The following EPHA8 variants were observed in gnomAD, a reference collection of about 807,000 sequenced individuals.
The protein encoded by EPHA8 is ephrin type-A receptor 8.
In EPHA8, 58 loss-of-function variants were observed where a neutral mutation model predicts 103.6. The ratio of observed to expected loss-of-function variants is 0.56; its 90% CI spans 0.45 to 0.70. The LOEUF is 0.70. Among genes scored for constraint, EPHA8 ranks in the 30% least tolerant of loss-of-function variants. The pLI is 0.00. For synonymous variants in EPHA8, 559 were observed against 572.5 expected, an observed-to-expected ratio of 0.98 and a Z score of 0.34; for missense variants, 1,304 against 1,395.2, an observed-to-expected ratio of 0.93 and a Z score of 1.04.
At chr1:22,575,723 A>G (rs1557555172) in intron 2 of EPHA8, among the ~76,000 whole-genome samples, 1 of 152,102 alleles carries the variant, frequency 6.6e-6, no homozygotes, top group Admixed American at 6.5e-5. Context: ...GGATCAGGCA[A>G]TCACTCAACA....
intron 2 of EPHA8, among the ~76,000 whole-genome samples, chr1:22,572,057 C>T (rs1003350156): frequency 1.3e-5 from 2 of 152,242 alleles, no homozygotes; most frequent in East Asian, 3.9e-4. Context: ...ATAAGCTTTC[C>T]AGGTGATTCT....
At chr1:22,596,440 A>G (rs1350320845) in intron 9 of EPHA8, among the ~76,000 whole-genome samples, 1 of 152,086 alleles carries the variant, frequency 6.6e-6, no homozygotes, top group African/African-American at 2.4e-5. Flanking sequence ...GTGGGAGTGC[A>G]TATACTCTTG....
rs145516933 is a variant in EPHA8, at chr1:22,593,298, G to A, written c.1316-28G>A. ...AGAGGCCACGCCTTGTCTCCCCTCC[G>A]CCCATCTGACGGGATTGGCCGCCCC... On this transcript the variant is annotated intron_variant, in intron 5 of 16. Coordinates refer to ENST00000166244, the MANE Select transcript of EPHA8 (RefSeq NM_020526.5). 5.3e-4 allele frequency: 823 copies of A among 1,546,968 alleles called. 5 individuals are homozygous for A. In the East Asian group the frequency reaches 0.014, roughly 26 times the overall value.
intron 2 of EPHA8, among the ~76,000 whole-genome samples, chr1:22,575,741 G>A (rs540941952): frequency 1.3e-5 from 2 of 152,272 alleles, no homozygotes; most frequent in East Asian, 3.9e-4. Context: ...ACAAGCAGCT[G>A]TGCAGGAGAG....
At chr1:22,574,215 G>A (rs897833444) in intron 2 of EPHA8, among the ~76,000 whole-genome samples, 9 of 152,100 alleles carry the variant, frequency 5.9e-5, no homozygotes, top group African/African-American at 1.4e-4. Context: ...TCCTGACCTC[G>A]TGATCCGCCT....
intron 3 of EPHA8, among the ~76,000 whole-genome samples, chr1:22,578,963 G>A (rs1488713055): frequency 1.4e-5 from 2 of 147,118 alleles, no homozygotes; most frequent in Non-Finnish European, 3.0e-5. Context: ...GTGTCCATGT[G>A]TATGTTCATG....
intron 4 of EPHA8, among the ~76,000 whole-genome samples, chr1:22,588,598 G>A (rs1641283012): frequency 7.1e-6 from 1 of 141,624 alleles, no homozygotes; most frequent in Non-Finnish European, 1.6e-5. Context: ...GGGATGTCCA[G>A]ACCCTTGGAT....
In EPHA8 at chr1:22,567,763, CG is replaced by C. The variant is rs1334395327; in HGVS notation, c.95-1523del. ...GGCAGAAGGACACCCAGCCTCCCCA[CG>C]GGAAAGTTCCAGGAGAGCTCCACCT... On this transcript the variant is annotated intron_variant, in intron 1 of 16. Coordinates refer to ENST00000166244, the MANE Select transcript of EPHA8 (RefSeq NM_020526.5). The surrounding 1 kb of genome is among the most constrained non-coding windows in gnomAD (Gnocchi z 4.2). Among the ~76,000 whole-genome samples the C allele has an allele frequency of 2.0e-5, 3 of 152,312 alleles. No homozygotes were observed. The highest frequency in any genetic ancestry group is 7.2e-5 in the African/African-American group (3 of 41,572).
chr1:22,593,491 G>A (rs768558919), intron 6 of EPHA8, 33 bp from the exon 7 acceptor site: 12 of 1,610,258 alleles, frequency 7.5e-6, no homozygotes, highest in Admixed American at 1.7e-5. Context: ...TGGGCCAGCA[G>A]GGCAGGGCCC....
At chr1:22,582,274 G>A (rs896668686) in intron 3 of EPHA8, among the ~76,000 whole-genome samples, 3 of 152,080 alleles carry the variant, frequency 2.0e-5, no homozygotes, top group Non-Finnish European at 4.4e-5. Flanking sequence ...GGAGTCAGGG[G>A]GTCTCAGCTT....
intron 2 of EPHA8, among the ~76,000 whole-genome samples, chr1:22,570,496 A>G (rs209744): frequency 0.059 from 7,175 of 121,766 alleles, 340 homozygotes; most frequent in African/African-American, 0.1. Context: ...AGGACAGAAG[A>G]ATAATAATAT....
At position 22,593,578 on chromosome 1, in the gene EPHA8, G is replaced by A. The variant is rs962345382; in HGVS notation, c.1495G>A (p.Val499Ile). The change falls in exon 7 of 17, where the codon GTC (valine) becomes ATC (isoleucine). Residue 499 changes from valine to isoleucine, a missense_variant. By Grantham distance (29) the Val-to-Ile change is conservative (BLOSUM62 3). Transcript: ENST00000166244. ...CAAGGCCGTCACCACCAGAGCCACC[G>A]TCTCCGGCCTCAAGCCGGGCACCCG... ...TLKAVTTRAT[V>I]SGLKPGTRYV... 17 of 1,612,108 alleles carry A rather than the reference G, an allele frequency of 1.1e-5. No individual in the cohort carries two copies. The highest frequency in any genetic ancestry group is 8.3e-5 in the Admixed American group (5 of 59,918).
At chr1:22,578,631 ATG>A (rs1055869975) in intron 3 of EPHA8, among the ~76,000 whole-genome samples, 18 of 137,734 alleles carry the variant, frequency 1.3e-4, no homozygotes, top group South Asian at 4.9e-4. Flanking sequence ...GCGTGTGTGC[ATG>A]TGTGTATGTG....
Position 22,597,438 on chromosome 1 carries a change from A to G in EPHA8, c.1892A>G (p.Glu631Gly). Residue 631 changes from glutamate to glycine, a missense_variant, in exon 10 of 17, where the codon GAG becomes GGG. Coordinates refer to ENST00000166244, the MANE Select transcript of EPHA8 (RefSeq NM_020526.5). The surrounding 1 kb of genome is among the most constrained non-coding windows in gnomAD (Gnocchi z 4.6). ...RAGRSFTREI[E>G]ASRIHIEKII... ...GGCCGCAGTTTCACTCGGGAGATCG[A>G]GGCCTCTAGGATCCACATCGAGAAA... is the stretch of plus-strand genomic sequence containing the variant. 6.2e-7 allele frequency: 1 copy of G among 1,613,490 alleles called. No homozygotes were observed. Among genetic ancestry groups the G allele is most frequent in the Admixed American group, 1.7e-5 (1 of 60,016 alleles).
Position 22,576,757 on chromosome 1 carries a change from G to T in EPHA8, c.700G>T (p.Val234Leu), listed in dbSNP as rs556852015. ...ACTGGTGGAGGTGAGGGGCCAGTGC[G>T]TGCGGCACTCAGAGGAGCGGGACAC... ...SSLVEVRGQC[V>L]RHSEERDTPK... The change falls in exon 3 of 17, where the codon GTG becomes TTG. Residue 234 changes from valine to leucine, a missense_variant. Transcript: ENST00000166244. This position sits in a 1 kb window ranked among gnomAD's most constrained non-coding sequence, Gnocchi z 4.8. 1.2e-6 allele frequency: 2 copies of T among 1,613,790 alleles called. No individual in the cohort carries two copies. The highest frequency in any genetic ancestry group is 2.2e-5 in the South Asian group (2 of 91,080).
chr1:22,576,136 C>A lies in EPHA8; in HGVS notation c.160-81C>A. ...TTTGTCTTTTTTTTTGCCAGCGTCC[C>A]CAGCACAGAACACAGGGTCATTGGC... On this transcript the variant is annotated intron_variant, in intron 2 of 16. Transcript: ENST00000166244. This position sits in a 1 kb window ranked among gnomAD's most constrained non-coding sequence, Gnocchi z 4.8. The A allele has an allele frequency of 6.7e-7, 1 of 1,488,380 alleles. No homozygotes were observed. The highest frequency in any genetic ancestry group is 9.0e-7 in the Non-Finnish European group (1 of 1,107,094). 92.2% of individuals were successfully genotyped at this position (1,488,380 alleles called of 1,614,324 possible). A position where few individuals can be genotyped will look rare whatever the true frequency, so the allele number is the denominator to read the frequency against.
chr1:22,595,863 G>T (rs1188145828), intron 8 of EPHA8, among the ~76,000 whole-genome samples: 2 of 152,252 alleles, frequency 1.3e-5, no homozygotes, highest in African/African-American at 2.4e-5. Flanking sequence ...TGCCAAGAGG[G>T]TCAGGTGGAC....
intron 13 of EPHA8, among the ~76,000 whole-genome samples, chr1:22,599,868 G>GGAAGGAGGGAGGGAAGGGAGA (rs1641652969): frequency 1.4e-5 from 1 of 72,016 alleles, no homozygotes; most frequent in South Asian, 9.1e-4. Context: ...AGGGAGGAAG[G>GGAAGGAGGGAGGGAAGGGAGA]GAAGGAGGGA....
At chr1:22,581,152 TA>T (rs1356672013) in intron 3 of EPHA8, among the ~76,000 whole-genome samples, 2 of 152,160 alleles carry the variant, frequency 1.3e-5, no homozygotes, top group African/African-American at 2.4e-5. Context: ...TCCCTCAACT[TA>T]AGTAGCAGAG....
Sources: allele counts gnomAD v4.1 joint callset (sites outside exome capture counted in the v4.1 genomes callset), GRCh38; gene constraint gnomAD v4.1.1; non-coding constraint Gnocchi (gnomAD v3.1); transcripts MANE v1.5; gene names NCBI Gene and HGNC (gene_info 2026-07-23, HGNC 2026-07-21).